The following MYO10 variants were observed in gnomAD, a reference collection of about 807,000 sequenced individuals.
MYO10 encodes unconventional myosin-X.
Under a neutral mutation model 257.3 loss-of-function variants are expected in MYO10, and 133 were observed. That is an observed-to-expected ratio of 0.52 (90% CI 0.45 to 0.60). MYO10 has a LOEUF of 0.60. Among genes scored for constraint, MYO10 ranks in the 20% least tolerant of loss-of-function variants. The pLI is 0.00. For synonymous variants in MYO10, 1,104 were observed against 1,028.6 expected (o/e 1.07, Z -1.40); for missense variants, 2,399 against 2,635.7 (o/e 0.91, Z 1.97).
At chr5:16,830,947 G>A (rs571984985) in intron 2 of MYO10, among the ~76,000 whole-genome samples, 42 of 152,224 alleles carry the variant, frequency 2.8e-4, no homozygotes, top group African/African-American at 9.9e-4. Flanking sequence ...GGCTGTGAAG[G>A]GCAACAGGAG....
At chr5:16,871,413 G>C (rs1231173976) in intron 2 of MYO10, among the ~76,000 whole-genome samples, 1 of 152,152 alleles carries the variant, frequency 6.6e-6, no homozygotes, top group Non-Finnish European at 1.5e-5. Context: ...TCAGGAGCTG[G>C]AGACCAGTCT....
intron 1 of MYO10, among the ~76,000 whole-genome samples, chr5:16,924,529 C>T (rs1240423409): frequency 1.3e-5 from 2 of 152,074 alleles, no homozygotes; most frequent in Admixed American, 1.3e-4. Context: ...TTTCCACTCC[C>T]GGGAAATTTT....
intron 2 of MYO10, among the ~76,000 whole-genome samples, chr5:16,871,606 C>G (rs191678663): frequency 6.7e-6 from 1 of 150,048 alleles, no homozygotes; most frequent in Non-Finnish European, 1.5e-5. Context: ...AATCCTGTCT[C>G]GAAAAAAAAA....
chr5:16,694,346 G>C, intron 27 of MYO10, 25 bp downstream of exon 27: 1 of 1,613,328 alleles, frequency 6.2e-7, no homozygotes, highest in Non-Finnish European at 8.5e-7. Flanking sequence ...AACCCATCGG[G>C]CCACAGCCAG....
intron 5 of MYO10, among the ~76,000 whole-genome samples, chr5:16,783,090 C>T (rs1420489785): frequency 6.6e-6 from 1 of 152,140 alleles, no homozygotes; most frequent in African/African-American, 2.4e-5. Flanking sequence ...TGCAGACAGC[C>T]ATTGCGCGCC....
At chr5:16,762,306 T>A (rs182201852) in intron 15 of MYO10, among the ~76,000 whole-genome samples, 193 bp from the exon 16 acceptor site, 3 of 152,290 alleles carry the variant, frequency 2.0e-5, no homozygotes, top group Admixed American at 2.0e-4. Context: ...TGTGTCATTA[T>A]AATAGATTAA....
At chr5:16,831,363 T>A (rs1743156841) in intron 2 of MYO10, among the ~76,000 whole-genome samples, 1 of 152,186 alleles carries the variant, frequency 6.6e-6, no homozygotes. Flanking sequence ...GCAATCCCAC[T>A]ACTGGGTATC....
At chr5:16,680,133 C>T (rs766348005) in intron 32 of MYO10, 29 bp from the exon 33 acceptor site, 1 of 1,594,092 alleles carries the variant, frequency 6.3e-7, no homozygotes, top group South Asian at 1.1e-5. Flanking sequence ...CCAGCACACG[C>T]ACGTCAACGC....
chr5:16,885,080 G>C (rs776510486), intron 1 of MYO10, among the ~76,000 whole-genome samples: 6 of 152,074 alleles, frequency 3.9e-5, no homozygotes, highest in African/African-American at 7.2e-5. Context: ...AGAGAAAGCA[G>C]CCTCTGCAGT....
chr5:16,670,613 C>G lies in MYO10; in HGVS notation c.5796G>C (p.Gln1932His). ...CCATGGCCTGTTCCTGGTTCATTCC[C>G]TGAAATTTCCTCCACTTGTCAATGA... Reference protein sequence around the residue: ...ASIIDKWRKFQGMNQEQAMAK... With the variant: ...ASIIDKWRKFHGMNQEQAMAK... The change falls in exon 39 of 41, where the codon CAG (glutamine) becomes CAC (histidine). Residue 1932 changes from glutamine to histidine, a missense_variant. Gln to His is a conservative substitution (Grantham distance 24). Coordinates refer to ENST00000513610, the MANE Select transcript of MYO10 (RefSeq NM_012334.3). 1 of 1,614,012 alleles carries G rather than the reference C, an allele frequency of 6.2e-7. No individual in the cohort carries two copies. Among genetic ancestry groups the G allele is most frequent in the African/African-American group, 1.3e-5 (1 of 75,046 alleles).
chr5:16,867,485 G>C (rs1009206703), intron 2 of MYO10, among the ~76,000 whole-genome samples: 5 of 152,084 alleles, frequency 3.3e-5, no homozygotes, highest in Admixed American at 3.3e-4. Context: ...GGAAGGGGAG[G>C]GGGGAGCAAA....
chr5:16,672,198 G>A (rs1390145073), intron 37 of MYO10, among the ~76,000 whole-genome samples: 1 of 151,240 alleles, frequency 6.6e-6, no homozygotes, highest in Non-Finnish European at 1.5e-5. Flanking sequence ...GGGAGTCTGA[G>A]GCAGGAGAAC....
Position 16,754,847 on chromosome 5 carries a change from A to C in MYO10, c.1910T>G (p.Ile637Ser). The stretch of plus-strand genomic sequence containing the variant: ...TCTTACCTTCTGCATGTTTGGCTTG[A>C]TACAGCGAACAAAGAAAGGATTAGA... Reference protein sequence around the residue: ...SSSNPFFVRCIKPNMQKMPDQ... With the variant: ...SSSNPFFVRCSKPNMQKMPDQ... The change falls in exon 19 of 41, where the codon ATC becomes AGC. Residue 637 changes from isoleucine to serine, a missense_variant. By Grantham distance (142) the Ile-to-Ser change is moderately radical. This residue lies in a region of MYO10 where 1,820 missense variants were observed against 1,939.4 expected (regional missense o/e 0.94). Transcript: ENST00000513610. 1 of 1,604,448 alleles carries C rather than the reference A, an allele frequency of 6.2e-7. No individual in the cohort carries two copies. The highest frequency in any genetic ancestry group is 8.5e-7 in the Non-Finnish European group (1 of 1,173,850).
intron 19 of MYO10, chr5:16,741,912 G>C (rs750338234): frequency 1.0e-6 from 1 of 985,210 alleles, no homozygotes; most frequent in Admixed American, 6.2e-5. Flanking sequence ...GGCTTTCTTC[G>C]GCTGGCTGGT....
At chr5:16,728,034 C>T (rs1317516327) in intron 19 of MYO10, among the ~76,000 whole-genome samples, 1 of 152,142 alleles carries the variant, frequency 6.6e-6, no homozygotes, top group Non-Finnish European at 1.5e-5. Flanking sequence ...TACTTGTTTC[C>T]AAAACACACA....
intron 2 of MYO10, among the ~76,000 whole-genome samples, chr5:16,859,792 T>C (rs563034541): frequency 6.6e-6 from 1 of 152,188 alleles, no homozygotes; most frequent in African/African-American, 2.4e-5. Flanking sequence ...ATTCAGACCA[T>C]GGCAAGGCCC....
At chr5:16,756,597 G>A (rs908902135) in intron 18 of MYO10, among the ~76,000 whole-genome samples, 1 of 152,142 alleles carries the variant, frequency 6.6e-6, no homozygotes, top group Admixed American at 6.5e-5. Flanking sequence ...AAAACATCCT[G>A]ACATTCACGG....
intron 1 of MYO10, among the ~76,000 whole-genome samples, chr5:16,906,417 C>G (rs926803175): frequency 2.6e-5 from 4 of 151,826 alleles, no homozygotes; most frequent in African/African-American, 7.2e-5. Flanking sequence ...CTAGATAACC[C>G]TGCCCCTAGG....
intron 33 of MYO10, among the ~76,000 whole-genome samples, chr5:16,676,457 CTG>C (rs1181723693): frequency 1.3e-5 from 2 of 152,220 alleles, no homozygotes; most frequent in Non-Finnish European, 1.5e-5. Flanking sequence ...TGGCTCACAC[CTG>C]TAATCCCCGC....
Sources: gnomAD v4.1 joint callset for allele counts (sites outside exome capture counted in the v4.1 genomes callset) on GRCh38, gnomAD v4.1.1 for gene constraint, gnomAD v4.1.1 regional missense constraint, MANE v1.5 for transcripts, NCBI Gene and HGNC (gene_info 2026-07-23, HGNC 2026-07-21) for gene names.